The following NRXN3 variants were observed in gnomAD, a reference collection of about 807,000 sequenced individuals.
The protein encoded by NRXN3 is neurexin III.
Under a neutral mutation model 137.6 loss-of-function variants are expected in NRXN3, and 32 were observed. The observed-to-expected ratio is 0.23, with a 90% CI of 0.18 to 0.31. The LOEUF (loss-of-function observed/expected upper bound fraction) is 0.31. Among genes scored for constraint, NRXN3 ranks in the 10% least tolerant of loss-of-function variants. The pLI is 1.00. For missense variants in NRXN3, 1,574 were observed against 2,062.5 expected, an observed-to-expected ratio of 0.76 and a Z score of 4.59; for synonymous variants, 798 against 784.5, an observed-to-expected ratio of 1.02 and a Z score of -0.29.
chr14:79,452,267 A>G (rs1600511135), intron 15 of NRXN3, among the ~76,000 whole-genome samples: 1 of 152,174 alleles, frequency 6.6e-6, no homozygotes, highest in Non-Finnish European at 1.5e-5. Context: ...GGTGCTTTCT[A>G]AGTTTATTGC....
At chr14:79,079,631 G>A (rs2046563395) in intron 15 of NRXN3, among the ~76,000 whole-genome samples, 1 of 152,036 alleles carries the variant, frequency 6.6e-6, no homozygotes, top group Non-Finnish European at 1.5e-5. Flanking sequence ...TAATAGATTG[G>A]TATTAATGTT....
chr14:79,605,874 A>C (rs1353630766), intron 16 of NRXN3, among the ~76,000 whole-genome samples: 4 of 152,242 alleles, frequency 2.6e-5, no homozygotes, highest in Non-Finnish European at 5.9e-5. Flanking sequence ...AATAAAAAGC[A>C]GGAGACAAAT....
At chr14:78,353,530 TACCTCCAAAGGCTGGGGTCAC>T in intron 4 of NRXN3, among the ~76,000 whole-genome samples, 1 of 152,248 alleles carries the variant, frequency 6.6e-6, no homozygotes, top group South Asian at 2.1e-4. Flanking sequence ...GTGATCTAAC[TACCTCCAAAGGCTGGGGTCAC>T]ATTGGTGATC....
chr14:79,279,233 G>A (rs2080835835), intron 15 of NRXN3: 1 of 472,618 alleles, frequency 2.1e-6, no homozygotes, highest in South Asian at 9.0e-5. Flanking sequence ...GAATGGGAAG[G>A]GCCGGGATTC....
chr14:78,632,275 A>C (rs942568485), intron 4 of NRXN3, among the ~76,000 whole-genome samples: 2 of 152,138 alleles, frequency 1.3e-5, no homozygotes, highest in Non-Finnish European at 2.9e-5. Context: ...AATACCTCTA[A>C]GTTTTTGCTG....
chr14:78,926,786 ATATT>A (rs1165360002), intron 10 of NRXN3, among the ~76,000 whole-genome samples: 10 of 26,392 alleles, frequency 3.8e-4, no homozygotes, highest in African/African-American at 3.8e-3. Flanking sequence ...TATATAAAAT[ATATT>A]ATATATTATA....
intron 19 of NRXN3, among the ~76,000 whole-genome samples, chr14:79,791,867 G>A (rs568619026): frequency 5.9e-5 from 9 of 152,258 alleles, no homozygotes; most frequent in Non-Finnish European, 1.0e-4. Flanking sequence ...TGGTTAGGCC[G>A]GTCACATTGC....
chr14:78,775,575 C>A (rs892559676), intron 8 of NRXN3, among the ~76,000 whole-genome samples: 1 of 152,172 alleles, frequency 6.6e-6, no homozygotes, highest in African/African-American at 2.4e-5. Context: ...AGATTGGACA[C>A]CCCTGGAATT....
At chr14:78,215,762 G>A (rs908004592) in intron 1 of NRXN3, among the ~76,000 whole-genome samples, 3 of 79,178 alleles carry the variant, frequency 3.8e-5, no homozygotes, top group African/African-American at 1.5e-4. Context: ...CGTTTGTGCT[G>A]CAGGGGGGTG....
intron 15 of NRXN3, among the ~76,000 whole-genome samples, chr14:79,212,247 C>G (rs2067782974): frequency 6.6e-6 from 1 of 152,190 alleles, no homozygotes; most frequent in African/African-American, 2.4e-5. Flanking sequence ...CCACCACCTG[C>G]TATGGGCAAT....
rs565619181 is a variant in NRXN3, at chr14:78,637,728, G to A, written c.758-7392G>A. Among the ~76,000 whole-genome samples the A allele has an allele frequency of 5.6e-4, 85 of 152,318 alleles. 1 individual carries two copies. Among genetic ancestry groups the A allele is most frequent in the South Asian group, 2.9e-3 (14 of 4,816 alleles). On this transcript the variant is annotated intron_variant, in intron 4 of 20. Coordinates refer to ENST00000335750, the MANE Select transcript of NRXN3 (RefSeq NM_001330195.2). Reference sequence around the variant, plus strand: ...TAATGTAAGTCCACTGTTCAACCAGGCAGAGTGCCCTGTTAACATGAATCC... The same window carrying A: ...TAATGTAAGTCCACTGTTCAACCAGACAGAGTGCCCTGTTAACATGAATCC...
chr14:79,236,793 T>C (rs2073440942), intron 15 of NRXN3, among the ~76,000 whole-genome samples: 1 of 152,066 alleles, frequency 6.6e-6, no homozygotes, highest in African/African-American at 2.4e-5. Flanking sequence ...CACACGCATG[T>C]AGTTCCAGCA....
chr14:79,744,092 T>C (rs1342643649), intron 19 of NRXN3, among the ~76,000 whole-genome samples: 2 of 152,158 alleles, frequency 1.3e-5, no homozygotes, highest in Non-Finnish European at 2.9e-5. Context: ...GATTGGTAAA[T>C]TGAGATTAAT....
intron 16 of NRXN3, among the ~76,000 whole-genome samples, chr14:79,513,105 A>G (rs138113632): frequency 6.6e-6 from 1 of 152,256 alleles, no homozygotes. Context: ...GTATAACCCC[A>G]TAAGGATGGT....
intron 4 of NRXN3, among the ~76,000 whole-genome samples, chr14:78,609,848 C>G (rs762985496): frequency 1.3e-5 from 2 of 151,956 alleles, no homozygotes; most frequent in African/African-American, 2.4e-5. Context: ...AGGAAAATAC[C>G]CTGTGATCTC....
At chr14:78,602,267 C>CTCT (rs1555392441) in intron 4 of NRXN3, among the ~76,000 whole-genome samples, 1 of 115,282 alleles carries the variant, frequency 8.7e-6, no homozygotes, top group Non-Finnish European at 1.7e-5. Flanking sequence ...TCACATTAGC[C>CTCT]TTTTTTTTTT....
chr14:79,604,647 T>G (rs2097977955), intron 16 of NRXN3, among the ~76,000 whole-genome samples: 1 of 152,292 alleles, frequency 6.6e-6, no homozygotes, highest in African/African-American at 2.4e-5. Context: ...TTTAACCAGC[T>G]GACCAAATGC....
intron 16 of NRXN3, among the ~76,000 whole-genome samples, chr14:79,612,537 A>G (rs2098115656): frequency 6.6e-6 from 1 of 152,162 alleles, no homozygotes; most frequent in South Asian, 2.1e-4. Context: ...ATGAAAATCC[A>G]TTGTCTCTTT....
At chr14:78,359,891 CT>C (rs2084869545) in intron 4 of NRXN3, among the ~76,000 whole-genome samples, 1 of 152,140 alleles carries the variant, frequency 6.6e-6, no homozygotes, top group Admixed American at 6.5e-5. Context: ...CTCCTGCCTT[CT>C]CCAGAACCTT....
Sources: allele counts gnomAD v4.1 joint callset (sites outside exome capture counted in the v4.1 genomes callset), GRCh38; gene constraint gnomAD v4.1.1; transcripts MANE v1.5; gene names NCBI Gene and HGNC (gene_info 2026-07-23, HGNC 2026-07-21).